The following STK32B variants were observed in gnomAD, a reference collection of about 807,000 sequenced individuals.
STK32B encodes serine/threonine-protein kinase 32B.
A neutral mutation model predicts 52.6 loss-of-function variants in STK32B; 43 were observed. That is an observed-to-expected ratio of 0.82 (90% CI 0.64 to 1.05). The LOEUF (loss-of-function observed/expected upper bound fraction) is 1.05, where lower values mean the gene tolerates loss of function less well. Ranked by LOEUF, STK32B falls within the 50% of genes least tolerant of loss-of-function variation. STK32B has a pLI of 0.00. For synonymous variants in STK32B, 238 were observed against 204.3 expected (o/e 1.17, Z -1.41); for missense variants, 621 against 534.6 (o/e 1.16, Z -1.59).
intron 2 of STK32B, chr4:5,140,421 T>C: frequency 1.4e-6 from 1 of 697,766 alleles, no homozygotes; most frequent in Non-Finnish European, 1.9e-6. Context: ...AGCTCCAGTC[T>C]GTTCCCACAT....
At chr4:5,250,220 A>G (rs1449436002) in intron 3 of STK32B, among the ~76,000 whole-genome samples, 1 of 151,980 alleles carries the variant, frequency 6.6e-6, no homozygotes, top group Non-Finnish European at 1.5e-5. Context: ...GTGAACATGC[A>G]TGTGCCTTTA....
chr4:5,299,425 T>C (rs749280810), intron 3 of STK32B, among the ~76,000 whole-genome samples: 2 of 152,156 alleles, frequency 1.3e-5, no homozygotes, highest in African/African-American at 2.4e-5. Flanking sequence ...ATTTTTTTAA[T>C]CCATCTTTAG....
intron 1 of STK32B, among the ~76,000 whole-genome samples, chr4:5,085,131 C>G (rs1279699917): frequency 6.6e-6 from 1 of 152,166 alleles, no homozygotes; most frequent in Non-Finnish European, 1.5e-5. Context: ...GTTTACAGGA[C>G]AGCCTGGAAG....
At chr4:5,036,756 C>T in the STK32B span, among the ~76,000 whole-genome samples, 1 of 147,980 alleles carries the variant, frequency 6.8e-6, no homozygotes, top group Admixed American at 6.9e-5. Flanking sequence ...CAACCTCCGC[C>T]TCCTGGGTTC....
At chr4:5,184,184 T>A (rs1720563798) in intron 3 of STK32B, among the ~76,000 whole-genome samples, 1 of 152,176 alleles carries the variant, frequency 6.6e-6, no homozygotes, top group Non-Finnish European at 1.5e-5. Flanking sequence ...GCTTTTGATT[T>A]AAATTGAGAG....
At chr4:5,057,031 C>T (rs193063187) in intron 1 of STK32B, among the ~76,000 whole-genome samples, 2 of 152,338 alleles carry the variant, frequency 1.3e-5, no homozygotes, top group East Asian at 3.9e-4. Flanking sequence ...CACTAGACTG[C>T]AGCCTCCTAA....
intron 3 of STK32B, among the ~76,000 whole-genome samples, chr4:5,184,877 T>G (rs922967847): frequency 6.6e-6 from 1 of 152,050 alleles, no homozygotes; most frequent in African/African-American, 2.4e-5. Flanking sequence ...CACCTCCACT[T>G]TGTGAAATAT....
chr4:5,252,120 C>T (rs545527584), intron 3 of STK32B, among the ~76,000 whole-genome samples: 1 of 152,262 alleles, frequency 6.6e-6, no homozygotes, highest in South Asian at 2.1e-4. Context: ...AGTTGAGGAG[C>T]TCCTAGGAAG....
At chr4:5,462,762 T>C (rs1050492207) in intron 9 of STK32B, among the ~76,000 whole-genome samples, 1 of 152,190 alleles carries the variant, frequency 6.6e-6, no homozygotes, top group Non-Finnish European at 1.5e-5. Context: ...ACCCCGGGAC[T>C]GTACTCATGA....
At chr4:5,465,219 T>A (rs1717346030) in intron 9 of STK32B, among the ~76,000 whole-genome samples, 1 of 152,152 alleles carries the variant, frequency 6.6e-6, no homozygotes, top group Non-Finnish European at 1.5e-5. Context: ...ATTGGGCAAC[T>A]CCTGTGTGGC....
chr4:5,092,599 T>C (rs1713151411), intron 1 of STK32B, among the ~76,000 whole-genome samples: 1 of 151,916 alleles, frequency 6.6e-6, no homozygotes, highest in South Asian at 2.1e-4. Flanking sequence ...ACAGGTTTAA[T>C]TGGCTCACGG....
chr4:5,136,386 G>GCTCT (rs11472533), intron 1 of STK32B, among the ~76,000 whole-genome samples: 147,110 of 152,170 alleles, frequency 0.97, 71,288 homozygotes, highest in East Asian at 1. Flanking sequence ...ACCCTTTGCA[G>GCTCT]CTCTAAGAGT....
In STK32B at chr4:5,364,840, G is replaced by A. The variant is rs1734774702; in HGVS notation, c.435-33367G>A. Among the ~76,000 whole-genome samples, 3 of 152,072 alleles carry A rather than the reference G, an allele frequency of 2.0e-5. No homozygotes were observed. The South Asian group carries it at 6.2e-4, about 32-fold the overall frequency. On this transcript the variant is annotated intron_variant, in intron 4 of 11. Transcript: ENST00000282908. ...TTTCAGCCTGAATGTCTCACTTCTA[G>A]CATTCTAGCAACCCTGCCTGGAAAA...
At chr4:5,291,829 A>G (rs778684467) in intron 3 of STK32B, among the ~76,000 whole-genome samples, 1 of 151,926 alleles carries the variant, frequency 6.6e-6, no homozygotes, top group African/African-American at 2.4e-5. Context: ...GATGCCCTTT[A>G]TTAAGTTGAG....
chr4:5,294,653 C>T (rs529045020), intron 3 of STK32B, among the ~76,000 whole-genome samples: 2 of 152,282 alleles, frequency 1.3e-5, no homozygotes, highest in East Asian at 1.9e-4. Flanking sequence ...AGTTGCTTAT[C>T]AGCTCAAGGA....
chr4:5,183,332 C>G (rs1442080667), intron 3 of STK32B, among the ~76,000 whole-genome samples: 1 of 152,062 alleles, frequency 6.6e-6, no homozygotes, highest in Non-Finnish European at 1.5e-5. Flanking sequence ...ACAAAATTAG[C>G]TGGGCGTGGT....
chr4:5,413,622 A>G (rs949091128), intron 5 of STK32B, among the ~76,000 whole-genome samples: 1 of 152,254 alleles, frequency 6.6e-6, no homozygotes, highest in Non-Finnish European at 1.5e-5. Context: ...AAACTTCTTT[A>G]TAGCAAAAGG....
chr4:5,037,347 A>C, the STK32B span, among the ~76,000 whole-genome samples: 1 of 152,242 alleles, frequency 6.6e-6, no homozygotes. Context: ...GTAGGCGGCA[A>C]ACACTCTATT....
intron 1 of STK32B, among the ~76,000 whole-genome samples, chr4:5,100,560 T>C (rs1036371844): frequency 1.4e-5 from 2 of 139,964 alleles, no homozygotes; most frequent in Non-Finnish European, 3.1e-5. Context: ...TCCTCCTTCC[T>C]TCCTTCCTCC....
Sources: gnomAD v4.1 joint callset for allele counts (sites outside exome capture counted in the v4.1 genomes callset) on GRCh38, gnomAD v4.1.1 for gene constraint, MANE v1.5 for transcripts, NCBI Gene and HGNC (gene_info 2026-07-23, HGNC 2026-07-21) for gene names.